Variants in PARD3 observed in about 807,000 individuals in gnomAD.
The protein encoded by PARD3 is partitioning defective 3 homolog.
PARD3 carries 75 observed loss-of-function variants against 155.4 expected under a neutral mutation model. The observed-to-expected ratio is 0.48, with a 90% CI of 0.40 to 0.58. PARD3 has a LOEUF of 0.58. Ranked by LOEUF, PARD3 falls within the 20% of genes least tolerant of loss-of-function variation. The pLI is 0.00. For synonymous variants in PARD3, 576 were observed against 610.5 expected (o/e 0.94, Z 0.83); for missense variants, 1,642 against 1,721.7 (o/e 0.95, Z 0.82).
intron 2 of PARD3, among the ~76,000 whole-genome samples, chr10:34,693,425 A>C (rs764837103): frequency 6.6e-6 from 1 of 152,218 alleles, no homozygotes; most frequent in Non-Finnish European, 1.5e-5. Context: ...AGCCATAAAA[A>C]ATAACAAGGT....
chr10:34,514,410 A>G (rs1404794029), intron 3 of PARD3, among the ~76,000 whole-genome samples: 1 of 152,198 alleles, frequency 6.6e-6, no homozygotes, highest in Non-Finnish European at 1.5e-5. Flanking sequence ...ACCACCTAGC[A>G]CAAGGCATGG....
chr10:34,396,560 T>A (rs1440982004), intron 7 of PARD3, among the ~76,000 whole-genome samples: 13 of 152,206 alleles, frequency 8.5e-5, no homozygotes, highest in Non-Finnish European at 1.0e-4. Flanking sequence ...ATTCGTTAGA[T>A]GCTCTGACTT....
At chr10:34,348,707 T>A (rs977886402) in intron 14 of PARD3, among the ~76,000 whole-genome samples, 2 of 152,222 alleles carry the variant, frequency 1.3e-5, no homozygotes, top group African/African-American at 4.8e-5. Flanking sequence ...TTATCTTTAC[T>A]GTAATGTTTA....
At chr10:34,229,175 T>C (rs889875278) in intron 22 of PARD3, among the ~76,000 whole-genome samples, 1 of 152,116 alleles carries the variant, frequency 6.6e-6, no homozygotes, top group Non-Finnish European at 1.5e-5. Context: ...TGACTGCTTC[T>C]GCATGAGATG....
At position 34,378,057 on chromosome 10, in the gene PARD3, A is replaced by T; in HGVS notation, c.1449T>A (p.Gly483=). ...FSITSRDVTI[G]GSAPIYVKNI... is the part of the protein sequence containing the mutation. ...TTTTCACATAGATTGGAGCTGAGCC[A>T]CCTATTGTTACATCTCTGGAAGTGA... Residue 483 remains glycine (G), a synonymous_variant, in exon 10 of 25, where the codon GGT becomes GGA. Coordinates refer to ENST00000374788, the MANE Select transcript of PARD3 (RefSeq NM_001184785.2). 1 of 1,597,180 alleles carries T rather than the reference A, an allele frequency of 6.3e-7. No homozygotes were observed. The highest frequency in any genetic ancestry group is 8.5e-7 in the Non-Finnish European group (1 of 1,173,178).
At chr10:34,773,124 T>C (rs1345960276) in intron 1 of PARD3, among the ~76,000 whole-genome samples, 1 of 152,200 alleles carries the variant, frequency 6.6e-6, no homozygotes, top group Non-Finnish European at 1.5e-5. Context: ...TATCTAATTC[T>C]TTAATGTTCT....
chr10:34,480,547 CT>C (rs1277274539), intron 3 of PARD3, among the ~76,000 whole-genome samples: 2 of 152,152 alleles, frequency 1.3e-5, no homozygotes, highest in Non-Finnish European at 2.9e-5. Context: ...CCTGTTTCTA[CT>C]TTTAACAGCA....
intron 2 of PARD3, among the ~76,000 whole-genome samples, chr10:34,589,025 C>A (rs892384136): frequency 7.2e-5 from 11 of 152,170 alleles, no homozygotes; most frequent in Non-Finnish European, 1.6e-4. Flanking sequence ...TTGGTCCAGC[C>A]TGGACAGCAT....
At chr10:34,634,942 C>G (rs545609845) in intron 2 of PARD3, among the ~76,000 whole-genome samples, 1 of 152,266 alleles carries the variant, frequency 6.6e-6, no homozygotes, top group South Asian at 2.1e-4. Context: ...AAGCAGGAGT[C>G]CAGGGCACAG....
chr10:34,404,937 T>C (rs114525256), intron 5 of PARD3, among the ~76,000 whole-genome samples: 7,160 of 151,962 alleles, frequency 0.047, 192 homozygotes, highest in Middle Eastern at 0.071. Context: ...CCAGGTGAGA[T>C]AGTGCGTGCC....
At position 34,301,818 on chromosome 10, in the gene PARD3, CTTTTTT is replaced by C. The variant is rs5784408; in HGVS notation, c.3065+15283_3065+15288del. On this transcript the variant is annotated intron_variant, in intron 20 of 24. Coordinates refer to ENST00000374788, the MANE Select transcript of PARD3 (RefSeq NM_001184785.2). ...TCTTTCTTATTGTTCTTTCTCCTTT[CTTTTTT>C]TTTTTTTTTTTTTTAACATCAAATC... Among the ~76,000 whole-genome samples, 1,124 of 125,822 alleles carry C rather than the reference CTTTTTT, an allele frequency of 8.9e-3. 21 individuals carry two copies. Among genetic ancestry groups the C allele is most frequent in the African/African-American group, 0.032 (1,069 of 33,578 alleles). 82.5% of individuals were successfully genotyped at this position (125,822 alleles called of 152,430 possible). A position where few individuals can be genotyped will look rare whatever the true frequency, so the allele number is the denominator to read the frequency against.
At position 34,611,704 on chromosome 10, in the gene PARD3, G is replaced by A. The variant is rs371987776; in HGVS notation, c.222+84614C>T. The stretch of plus-strand genomic sequence containing the variant: ...CCTGTTGACTCCTAAGGCCCCGTAC[G>A]CAATTTTCCATAATGAAATGGGGAC... On this transcript the variant is annotated intron_variant, in intron 2 of 24. Transcript: ENST00000374788. 5.3e-4 allele frequency among the ~76,000 whole-genome samples: 81 copies of A among 151,930 alleles called. 3 individuals carry two copies. The highest frequency in any genetic ancestry group is 4.8e-3 in the Admixed American group (74 of 15,266).
At chr10:34,631,629 T>C (rs1222111172) in intron 2 of PARD3, among the ~76,000 whole-genome samples, 2 of 152,150 alleles carry the variant, frequency 1.3e-5, no homozygotes, top group Admixed American at 6.5e-5. Flanking sequence ...CAGGCAAATA[T>C]ATAATGTTCT....
intron 2 of PARD3, among the ~76,000 whole-genome samples, chr10:34,631,053 G>C (rs1427672035): frequency 6.6e-6 from 1 of 151,844 alleles, no homozygotes; most frequent in Non-Finnish European, 1.5e-5. Context: ...GGCCCCAAGT[G>C]ATCCGCCTAC....
intron 4 of PARD3, among the ~76,000 whole-genome samples, chr10:34,463,961 T>G (rs1486176178): frequency 6.6e-6 from 1 of 152,176 alleles, no homozygotes; most frequent in African/African-American, 2.4e-5. Flanking sequence ...TAGGTTTGTG[T>G]AAGTGCACTC....
chr10:34,571,733 A>G (rs1240558373), intron 2 of PARD3, among the ~76,000 whole-genome samples: 1 of 152,252 alleles, frequency 6.6e-6, no homozygotes, highest in African/African-American at 2.4e-5. Context: ...TAATATACCT[A>G]GTAAGGTTGA....
At chr10:34,246,136 T>C (rs1765163) in intron 22 of PARD3, among the ~76,000 whole-genome samples, 30,029 of 152,132 alleles carry the variant, frequency 0.2, 4,531 homozygotes, top group African/African-American at 0.42. Flanking sequence ...TGAAAAGAAT[T>C]TTCTTCAGTA....
chr10:34,175,624 A>C (rs1413966684), intron 22 of PARD3, among the ~76,000 whole-genome samples: 2 of 152,204 alleles, frequency 1.3e-5, no homozygotes, highest in East Asian at 3.8e-4. Context: ...GGGATATTTT[A>C]TTTAGACATT....
intron 20 of PARD3, among the ~76,000 whole-genome samples, chr10:34,286,876 G>C (rs1032316102): frequency 3.3e-5 from 5 of 152,172 alleles, no homozygotes; most frequent in African/African-American, 1.2e-4. Context: ...AGTGAGAGAA[G>C]TGCTTAGTTT....
Sources: allele counts gnomAD v4.1 joint callset (sites outside exome capture counted in the v4.1 genomes callset), GRCh38; gene constraint gnomAD v4.1.1; transcripts MANE v1.5; gene names NCBI Gene and HGNC (gene_info 2026-07-23, HGNC 2026-07-21).